Variants in KLHL29 observed in about 807,000 individuals in gnomAD.
KLHL29 encodes kelch-like protein 29.
Under a neutral mutation model 80.4 loss-of-function variants are expected in KLHL29, and 21 were observed. The observed-to-expected ratio is 0.26, with a 90% CI of 0.19 to 0.38. The LOEUF (loss-of-function observed/expected upper bound fraction) is 0.38. KLHL29 is among the 10% of genes least tolerant of loss of function. The pLI, the probability that KLHL29 is intolerant of heterozygous loss-of-function variation, is 1.00. For missense variants in KLHL29, 867 were observed against 1,223.9 expected, an observed-to-expected ratio of 0.71 and a Z score of 4.35; for synonymous variants, 511 against 526.8, an observed-to-expected ratio of 0.97 and a Z score of 0.41.
At chr2:23,388,122 G>A (rs1048528663) in intron 1 of KLHL29, among the ~76,000 whole-genome samples, 3 of 152,080 alleles carry the variant, frequency 2.0e-5, no homozygotes, top group African/African-American at 7.2e-5. Context: ...ATGTGATGGG[G>A]GGTGGGGATC....
At chr2:23,404,871 A>G (rs1324711588) in intron 1 of KLHL29, among the ~76,000 whole-genome samples, 1 of 152,030 alleles carries the variant, frequency 6.6e-6, no homozygotes, top group East Asian at 1.9e-4. Context: ...TATATTGTCG[A>G]CCCCATCCAT....
intron 2 of KLHL29, among the ~76,000 whole-genome samples, chr2:23,560,906 T>C (rs1667429654): frequency 6.6e-6 from 1 of 152,246 alleles, no homozygotes; most frequent in Non-Finnish European, 1.5e-5. Flanking sequence ...TAGATAGATA[T>C]TTTTAAAATA....
intron 3 of KLHL29, among the ~76,000 whole-genome samples, chr2:23,619,856 G>C (rs2149142753): frequency 6.6e-6 from 1 of 152,314 alleles, no homozygotes; most frequent in Middle Eastern, 3.4e-3. Flanking sequence ...TATGTACCAG[G>C]CCTTATCCTG....
At chr2:23,484,672 T>C (rs1163514144) in intron 2 of KLHL29, among the ~76,000 whole-genome samples, 1 of 152,142 alleles carries the variant, frequency 6.6e-6, no homozygotes, top group Non-Finnish European at 1.5e-5. Flanking sequence ...CTCAGAACAG[T>C]GTGATTATTT....
chr2:23,537,796 A>AGG (rs1389665459), intron 2 of KLHL29, among the ~76,000 whole-genome samples: 1 of 152,156 alleles, frequency 6.6e-6, no homozygotes, highest in Non-Finnish European at 1.5e-5. Context: ...AAGTCTACTT[A>AGG]GGGATGGAAG....
chr2:23,648,712 A>C (rs1218237103), intron 5 of KLHL29, among the ~76,000 whole-genome samples: 1 of 152,234 alleles, frequency 6.6e-6, no homozygotes, highest in East Asian at 1.9e-4. Context: ...TGGCCACGTC[A>C]ATAGATGGGA....
intron 1 of KLHL29, among the ~76,000 whole-genome samples, chr2:23,465,589 CAA>C (rs1664326903): frequency 6.6e-6 from 1 of 152,210 alleles, no homozygotes; most frequent in Non-Finnish European, 1.5e-5. Context: ...GACCCCATGG[CAA>C]AAGCGTCCTC....
At chr2:23,668,456 AG>A (rs1670614917) in intron 5 of KLHL29, 1 of 152,282 alleles carries the variant, frequency 6.6e-6, no homozygotes, top group African/African-American at 2.4e-5. Flanking sequence ...CCTGTCGAAC[AG>A]GTGCACCACA....
intron 11 of KLHL29, among the ~76,000 whole-genome samples, chr2:23,699,492 A>G (rs1457575045): frequency 2.0e-5 from 3 of 152,188 alleles, no homozygotes; most frequent in East Asian, 3.9e-4. Context: ...CAGCTTCCCC[A>G]TGAAGCAAGA....
chr2:23,567,102 C>T (rs898473022), intron 3 of KLHL29, among the ~76,000 whole-genome samples: 8 of 152,292 alleles, frequency 5.3e-5, no homozygotes, highest in South Asian at 2.1e-4. Context: ...AGCAGAACTG[C>T]GACTCCACTG....
In KLHL29 at chr2:23,653,497, C is replaced by T. The variant is rs540935612; in HGVS notation, c.940+10647C>T. 1.5e-4 allele frequency among the ~76,000 whole-genome samples: 23 copies of T among 152,324 alleles called. No homozygotes were observed. The South Asian group carries it at 4.1e-3, about 27-fold the overall frequency. ...CTGGGATCAGAGCAGCACATCCCAC[C>T]GGGAGCCCTCTGTACTCAGTGGCAG... is the stretch of plus-strand genomic sequence containing the variant. On this transcript the variant is annotated intron_variant, in intron 5 of 13. Transcript: ENST00000486442.
intron 3 of KLHL29, among the ~76,000 whole-genome samples, chr2:23,585,845 C>T (rs562105011): frequency 1.6e-4 from 24 of 152,294 alleles, no homozygotes; most frequent in African/African-American, 4.8e-4. Context: ...AGACTCTGCT[C>T]CAGAGAAGGA....
At chr2:23,630,131 G>C (rs1669432108) in intron 3 of KLHL29, among the ~76,000 whole-genome samples, 1 of 152,244 alleles carries the variant, frequency 6.6e-6, no homozygotes, top group Non-Finnish European at 1.5e-5. Flanking sequence ...TTTCACTGAA[G>C]TGCTGAGGTG....
At chr2:23,656,641 G>A (rs1670253387) in intron 5 of KLHL29, among the ~76,000 whole-genome samples, 1 of 152,186 alleles carries the variant, frequency 6.6e-6, no homozygotes, top group Non-Finnish European at 1.5e-5. Flanking sequence ...ACAGGTGTCC[G>A]GTCTGTCTGT....
intron 2 of KLHL29, among the ~76,000 whole-genome samples, chr2:23,476,951 T>C (rs986232931): frequency 6.6e-6 from 1 of 152,224 alleles, no homozygotes; most frequent in African/African-American, 2.4e-5. Context: ...GTTGACAACG[T>C]TCACCACATT....
chr2:23,511,317 T>C lies in KLHL29; in HGVS notation c.-46+35650T>C, dbSNP rs144949122. Reference sequence around the variant, plus strand: ...ATAAAGGGTACAGCACAGCCTCACCTTCAAGGAGCTCCCTAGTCAAGGAAT... The same window carrying C: ...ATAAAGGGTACAGCACAGCCTCACCCTCAAGGAGCTCCCTAGTCAAGGAAT... On this transcript the variant is annotated intron_variant, in intron 2 of 13. Transcript: ENST00000486442. Among the ~76,000 whole-genome samples the C allele has an allele frequency of 1.3e-4, 20 of 152,300 alleles. No homozygotes were observed. In the East Asian group the frequency reaches 1.4e-3, roughly 10 times the overall value.
chr2:23,647,122 T>C lies in KLHL29; in HGVS notation c.940+4272T>C, dbSNP rs1329709316. Among the ~76,000 whole-genome samples the C allele has an allele frequency of 3.9e-5, 6 of 152,280 alleles. No individual in the cohort carries two copies. The South Asian group carries it at 6.2e-4, about 16-fold the overall frequency. On this transcript the variant is annotated intron_variant, in intron 5 of 13. Coordinates refer to ENST00000486442, the MANE Select transcript of KLHL29 (RefSeq NM_052920.2). This position sits in a 1 kb window ranked among gnomAD's most constrained non-coding sequence, Gnocchi z 4.9. The stretch of plus-strand genomic sequence containing the variant: ...CTGGTCAAGCCATTTAACTTAGGGA[T>C]GGGGACCCCTTCCCTAAAAGGGAGG...
At chr2:23,446,286 T>C (rs1051889327) in intron 1 of KLHL29, among the ~76,000 whole-genome samples, 1 of 151,688 alleles carries the variant, frequency 6.6e-6, no homozygotes, top group Non-Finnish European at 1.5e-5. Context: ...CCCCCAAAGG[T>C]TTGAGATGCT....
At chr2:23,618,340 G>A (rs499593) in intron 3 of KLHL29, among the ~76,000 whole-genome samples, 122,099 of 152,040 alleles carry the variant, frequency 0.8, 49,298 homozygotes, top group East Asian at 1. Flanking sequence ...GATGATCCTG[G>A]GTGTGTCCGT....
Sources: gnomAD v4.1 joint callset for allele counts (sites outside exome capture counted in the v4.1 genomes callset) on GRCh38, gnomAD v4.1.1 for gene constraint, Gnocchi (gnomAD v3.1) non-coding constraint, MANE v1.5 for transcripts, NCBI Gene and HGNC (gene_info 2026-07-23, HGNC 2026-07-21) for gene names.